Variants in NRXN1 observed in about 807,000 individuals in gnomAD.
NRXN1 encodes the protein neurexin 1.
Under a neutral mutation model 150.9 loss-of-function variants are expected in NRXN1, and 39 were observed. The observed-to-expected ratio is 0.26, with a 90% CI of 0.20 to 0.34. The LOEUF is 0.34. Among genes scored for constraint, NRXN1 ranks in the 10% least tolerant of loss-of-function variants. NRXN1 has a pLI of 1.00. For missense variants in NRXN1, 1,815 were observed against 1,949.9 expected (o/e 0.93, Z 1.30); for synonymous variants, 924 against 757.0 (o/e 1.22, Z -3.62).
chr2:50,662,259 G>A (rs1185439844), intron 5 of NRXN1, among the ~76,000 whole-genome samples: 3 of 151,950 alleles, frequency 2.0e-5, no homozygotes, highest in African/African-American at 7.2e-5. Context: ...TCTTTGCACA[G>A]GGAGTTAGTG....
chr2:50,831,772 G>A (rs1243804773), intron 5 of NRXN1, among the ~76,000 whole-genome samples: 1 of 152,158 alleles, frequency 6.6e-6, no homozygotes, highest in East Asian at 1.9e-4. Context: ...AGAACTGGTG[G>A]CAGACTATTC....
intron 18 of NRXN1, among the ~76,000 whole-genome samples, chr2:50,117,626 T>C (rs988222808): frequency 6.6e-6 from 1 of 152,180 alleles, no homozygotes; most frequent in Admixed American, 6.5e-5. Flanking sequence ...AAATCATTTC[T>C]TGTTATGTGC....
intron 18 of NRXN1, among the ~76,000 whole-genome samples, chr2:50,235,275 GA>G (rs2065312067): frequency 6.6e-6 from 1 of 151,912 alleles, no homozygotes; most frequent in African/African-American, 2.4e-5. Flanking sequence ...TATCTTAACT[GA>G]TCATTTATTT....
At chr2:50,360,983 G>A (rs1444858643) in intron 17 of NRXN1, among the ~76,000 whole-genome samples, 1 of 152,036 alleles carries the variant, frequency 6.6e-6, no homozygotes, top group Non-Finnish European at 1.5e-5. Flanking sequence ...ACAACTACAC[G>A]GAAACTGAAC....
At chr2:50,860,810 T>C (rs1464735936) in intron 5 of NRXN1, among the ~76,000 whole-genome samples, 2 of 152,062 alleles carry the variant, frequency 1.3e-5, no homozygotes, top group Non-Finnish European at 2.9e-5. Flanking sequence ...TGAAGTAGAA[T>C]CTAAGACTAA....
At chr2:49,945,577 C>T (rs192495373) in intron 21 of NRXN1, among the ~76,000 whole-genome samples, 9 of 152,132 alleles carry the variant, frequency 5.9e-5, no homozygotes, top group Non-Finnish European at 8.8e-5. Flanking sequence ...GTGATGTTCC[C>T]CTGCCTGTGT....
At chr2:50,500,976 C>G (rs888782564) in intron 13 of NRXN1, among the ~76,000 whole-genome samples, 2 of 151,970 alleles carry the variant, frequency 1.3e-5, no homozygotes, top group Admixed American at 6.6e-5. Flanking sequence ...AACTCATGGT[C>G]TACGGGAGAA....
chr2:50,249,917 C>T (rs1018570599), intron 17 of NRXN1, among the ~76,000 whole-genome samples: 1 of 152,062 alleles, frequency 6.6e-6, no homozygotes, highest in African/African-American at 2.4e-5. Flanking sequence ...GGATTACAGG[C>T]GTGAGCCACC....
chr2:50,438,439 G>C (rs182745796), intron 17 of NRXN1, among the ~76,000 whole-genome samples: 3 of 152,266 alleles, frequency 2.0e-5, no homozygotes, highest in South Asian at 2.1e-4. Flanking sequence ...CACTGGAACT[G>C]GGGGGAGTGG....
intron 11 of NRXN1, among the ~76,000 whole-genome samples, chr2:50,530,430 T>C (rs544911786): frequency 5.6e-4 from 86 of 152,266 alleles, no homozygotes; most frequent in Non-Finnish European, 1.0e-3. Flanking sequence ...AACTATTATG[T>C]TTTTGAGTAT....
intron 5 of NRXN1, among the ~76,000 whole-genome samples, chr2:50,801,883 A>G (rs1207132343): frequency 1.3e-5 from 2 of 152,178 alleles, no homozygotes; most frequent in Admixed American, 1.3e-4. Flanking sequence ...TCAAACTATA[A>G]CAATATCTTG....
chr2:50,193,488 G>A (rs892029230), intron 18 of NRXN1, among the ~76,000 whole-genome samples: 36 of 151,980 alleles, frequency 2.4e-4, no homozygotes, highest in African/African-American at 8.2e-4. Flanking sequence ...TATAAACTGT[G>A]GCATATTAGT....
intron 18 of NRXN1, among the ~76,000 whole-genome samples, chr2:50,115,240 T>TATATATATAC (rs1270800103): frequency 2.7e-3 from 360 of 133,944 alleles, no homozygotes; most frequent in Middle Eastern, 7.9e-3. Flanking sequence ...TATATATATA[T>TATATATATAC]ACACACACAC....
chr2:50,205,852 C>T (rs2062531851), intron 18 of NRXN1, among the ~76,000 whole-genome samples: 2 of 151,908 alleles, frequency 1.3e-5, no homozygotes, highest in South Asian at 4.1e-4. Context: ...AGCCTAGTCA[C>T]AAAAGATCAC....
chr2:50,877,546 C>T (rs1157508059), intron 5 of NRXN1, among the ~76,000 whole-genome samples: 1 of 151,900 alleles, frequency 6.6e-6, no homozygotes, highest in Non-Finnish European at 1.5e-5. Flanking sequence ...ATGCTTTAGT[C>T]ATTTACAATT....
chr2:50,993,648 C>A (rs938310899), intron 2 of NRXN1, among the ~76,000 whole-genome samples: 5 of 151,932 alleles, frequency 3.3e-5, no homozygotes, highest in African/African-American at 9.7e-5. Flanking sequence ...TTTTTCATTT[C>A]TGGTAAAATG....
intron 13 of NRXN1, among the ~76,000 whole-genome samples, chr2:50,500,670 G>A (rs1168346163): frequency 6.6e-6 from 1 of 152,092 alleles, no homozygotes; most frequent in African/African-American, 2.4e-5. Context: ...CAATATTTAA[G>A]GTATAACAGA....
intron 12 of NRXN1, among the ~76,000 whole-genome samples, chr2:50,510,709 AATT>A (rs1558858088): frequency 6.6e-6 from 1 of 152,108 alleles, no homozygotes; most frequent in Non-Finnish European, 1.5e-5. Context: ...GTGTTGAGCG[AATT>A]ATTAAGTCTC....
At chr2:49,978,450 G>C (rs1679389653) in intron 21 of NRXN1, among the ~76,000 whole-genome samples, 1 of 152,128 alleles carries the variant, frequency 6.6e-6, no homozygotes, top group African/African-American at 2.4e-5. Flanking sequence ...TCTGAAAACA[G>C]AGTTCTAAGG....
Sources: gnomAD v4.1 joint callset for allele counts (sites outside exome capture counted in the v4.1 genomes callset) on GRCh38, gnomAD v4.1.1 for gene constraint, MANE v1.5 for transcripts, NCBI Gene and HGNC (gene_info 2026-07-23, HGNC 2026-07-21) for gene names.